UBTF: variants seen among roughly 807,000 people sequenced by gnomAD.
UBTF encodes upstream binding transcription factor, also known as nucleolar transcription factor 1.
Under a neutral mutation model 112.3 loss-of-function variants are expected in UBTF, and 8 were observed. The ratio of observed to expected loss-of-function variants is 0.07; its 90% CI spans 0.04 to 0.13. UBTF has a LOEUF of 0.13. Ranked by LOEUF, UBTF falls within the 10% of genes least tolerant of loss-of-function variation. The pLI, the probability that UBTF is intolerant of heterozygous loss-of-function variation, is 1.00. For synonymous variants in UBTF, 417 were observed against 373.1 expected (o/e 1.12, Z -1.36); for missense variants, 457 against 982.1 (o/e 0.47, Z 7.15).
At position 44,207,447 on chromosome 17, in the gene UBTF, G is replaced by C; in HGVS notation, c.2169+7C>G. Reference sequence around the variant, plus strand: ...CCTCCCCTCCCACTGTGCCCTGTCTGCCCCACCTCATCCCCATCCTCGCTC... The same window carrying C: ...CCTCCCCTCCCACTGTGCCCTGTCTCCCCCACCTCATCCCCATCCTCGCTC... On this transcript the variant is annotated splice_region_variant and intron_variant, in intron 20 of 20. Coordinates refer to ENST00000436088, the MANE Select transcript of UBTF (RefSeq NM_014233.4). 6.2e-7 allele frequency: 1 copy of C among 1,613,258 alleles called. No individual in the cohort carries two copies. The highest frequency in any genetic ancestry group is 8.5e-7 in the Non-Finnish European group (1 of 1,179,572).
intron 2 of UBTF, among the ~76,000 whole-genome samples, chr17:44,216,957 C>T (rs1409226127): frequency 1.3e-5 from 2 of 152,166 alleles, no homozygotes; most frequent in African/African-American, 2.4e-5. Context: ...TGCTTCAAGG[C>T]TATTATCATT....
In UBTF at chr17:44,210,326, G is replaced by A. The variant is rs1220680854; in HGVS notation, c.1507C>T (p.Arg503Cys). ...QQSVIGDYLA[R>C]FKNDRVKALK... is the part of the protein sequence containing the mutation. Reference sequence around the variant, plus strand: ...TTTCCCACCCCTGTCACCTTGAAGCGGGCCAGGTAGTCGCCGATAACGCTC... The same window carrying A: ...TTTCCCACCCCTGTCACCTTGAAGCAGGCCAGGTAGTCGCCGATAACGCTC... The change falls in exon 14 of 21, where the codon CGC becomes TGC. Residue 503 changes from arginine (R) to cysteine (C), a missense_variant. Arg to Cys is a radical substitution (Grantham distance 180). Transcript: ENST00000436088. 6.2e-7 allele frequency: 1 copy of A among 1,614,122 alleles called. No individual in the cohort carries two copies. The highest frequency in any genetic ancestry group is 1.3e-5 in the African/African-American group (1 of 74,952).
rs767818091 is a variant in UBTF, at chr17:44,211,079, G to A, written c.1163C>T (p.Thr388Ile). Residue 388 changes from threonine to isoleucine, a missense_variant, in exon 12 of 21, where the codon ACC (threonine) becomes ATC (isoleucine). Coordinates refer to ENST00000436088, the MANE Select transcript of UBTF (RefSeq NM_014233.4). The surrounding 1 kb of genome is among the most constrained non-coding windows in gnomAD (Gnocchi z 4.9). ...GGCTGGCTTCTTGGAGGCGGGGCTG[G>A]TGGCCTGCTTCTTGTTGATGTTCAG... ...KMLNINKKQA[T>I]SPASKKPAQE... 3 of 1,612,906 alleles carry A rather than the reference G, an allele frequency of 1.9e-6. No homozygotes were observed. The highest frequency in any genetic ancestry group is 2.5e-6 in the Non-Finnish European group (3 of 1,179,970).
intron 2 of UBTF, among the ~76,000 whole-genome samples, chr17:44,217,665 C>T (rs1455853763): frequency 4.6e-5 from 7 of 152,224 alleles, no homozygotes; most frequent in Admixed American, 2.6e-4. Context: ...CAGCTTCATC[C>T]TACTCTCTAT....
chr17:44,209,777 A>T, intron 15 of UBTF, 44 bp from the exon 16 acceptor site: 1 of 1,590,744 alleles, frequency 6.3e-7, no homozygotes. Context: ...CCCACCCCCA[A>T]AATACTGCTG....
In UBTF at chr17:44,211,797, C is replaced by G; in HGVS notation, c.906-50G>C. The G allele has an allele frequency of 3.1e-6, 5 of 1,599,402 alleles. No individual in the cohort carries two copies. The highest frequency in any genetic ancestry group is 4.3e-6 in the Non-Finnish European group (5 of 1,174,376). ...TGCAGCCCGTAAGCGAGCAGGGCAG[C>G]AGGCCTTCTCACCTGCAGAGCCCAG... On this transcript the variant is annotated intron_variant, in intron 9 of 20. Transcript: ENST00000436088. The surrounding 1 kb of genome is among the most constrained non-coding windows in gnomAD (Gnocchi z 4.9).
intron 1 of UBTF, among the ~76,000 whole-genome samples, chr17:44,218,705 A>G (rs1306093148): frequency 6.7e-6 from 1 of 149,528 alleles, no homozygotes; most frequent in Non-Finnish European, 1.5e-5. Flanking sequence ...GCGCGCGGCC[A>G]CGGAAGCGGG....
At chr17:44,210,695 C>T in intron 13 of UBTF, 97 bp downstream of exon 13, 1 of 1,498,424 alleles carries the variant, frequency 6.7e-7, no homozygotes, top group Non-Finnish European at 8.9e-7. Flanking sequence ...CACCGCGTGG[C>T]TCAGGCGGCC....
intron 3 of UBTF, 51 bp from the exon 4 acceptor site, chr17:44,216,040 A>T (rs761362303): frequency 2.1e-6 from 3 of 1,409,918 alleles, no homozygotes. Context: ...GGAAAATGCC[A>T]CACAGTAGTA....
chr17:44,219,293 T>C (rs2047039080), intron 1 of UBTF, among the ~76,000 whole-genome samples, 152 bp downstream of exon 1: 1 of 149,894 alleles, frequency 6.7e-6, no homozygotes, highest in Admixed American at 6.6e-5. Context: ...CTCCCCCGGC[T>C]CTCGGCGTCC....
At chr17:44,213,168 TCTG>T (rs1307817738) in intron 6 of UBTF, 47 bp downstream of exon 6, 1 of 1,597,732 alleles carries the variant, frequency 6.3e-7, no homozygotes, top group Admixed American at 1.7e-5. Context: ...GTTAGCCTAT[TCTG>T]CTGCCCCCAG....
intron 1 of UBTF, among the ~76,000 whole-genome samples, 155 bp downstream of exon 1, chr17:44,219,290 G>A (rs2047038966): frequency 1.3e-5 from 2 of 150,458 alleles, no homozygotes; most frequent in South Asian, 4.3e-4. Flanking sequence ...CCCCTCCCCC[G>A]GCTCTCGGCG....
At chr17:44,218,882 C>A (rs1754999662) in intron 1 of UBTF, 1 of 151,516 alleles carries the variant, frequency 6.6e-6, no homozygotes, top group African/African-American at 2.4e-5. Flanking sequence ...CTCCCGGGCT[C>A]CCTTCGCCGT....
chr17:44,218,768 C>A (rs2046995839), intron 1 of UBTF, among the ~76,000 whole-genome samples: 1 of 151,150 alleles, frequency 6.6e-6, no homozygotes, highest in Non-Finnish European at 1.5e-5. Context: ...CCCCCCGCCT[C>A]CGCAACCCGG....
chr17:44,212,497 C>T (rs774951066), intron 7 of UBTF, 43 bp from the exon 8 acceptor site: 1 of 204,034 alleles, frequency 4.9e-6, no homozygotes, highest in Admixed American at 6.3e-5. Context: ...CAGCCAGGGG[C>T]AGGGGGAGGG....
intron 3 of UBTF, 127 bp from the exon 4 acceptor site, chr17:44,216,116 G>A (rs2046832577): frequency 2.6e-6 from 2 of 775,776 alleles, no homozygotes; most frequent in Non-Finnish European, 4.2e-6. Context: ...GAAGAGCAGA[G>A]GCCAACAGCC....
intron 7 of UBTF, 66 bp downstream of exon 7, chr17:44,212,753 C>T: frequency 1.3e-6 from 2 of 1,595,862 alleles, no homozygotes; most frequent in Non-Finnish European, 1.7e-6. Context: ...CCCGGCCGAC[C>T]TGGCGCGGCT....
chr17:44,207,146 G>C lies in UBTF; in HGVS notation c.*96C>G, dbSNP rs2056293236. 1 of 1,385,490 alleles carries C rather than the reference G, an allele frequency of 7.2e-7. No homozygotes were observed. Among genetic ancestry groups the C allele is most frequent in the East Asian group, 2.3e-5 (1 of 42,614 alleles). The allele number at this position is 1,385,490 out of a possible 1,614,324, so 85.8% of individuals were successfully genotyped here. A position where few individuals can be genotyped will look rare whatever the true frequency, so the allele number is the denominator to read the frequency against. ...AAGAAAGAAAGTGGGGGAGGCCAGG[G>C]GGGCAAGGGACAGAACATGGGGGAG... On this transcript the variant is annotated 3_prime_UTR_variant, in exon 21 of 21. Transcript: ENST00000436088.
chr17:44,218,418 T>G (rs567590791), intron 1 of UBTF, 122 bp from the exon 2 acceptor site: 2 of 610,268 alleles, frequency 3.3e-6, no homozygotes, highest in Non-Finnish European at 5.8e-6. Context: ...ATGACCTTAT[T>G]AGACTTAAGG....
Sources: allele counts gnomAD v4.1 joint callset (sites outside exome capture counted in the v4.1 genomes callset), GRCh38; gene constraint gnomAD v4.1.1; non-coding constraint Gnocchi (gnomAD v3.1); transcripts MANE v1.5; gene names NCBI Gene and HGNC (gene_info 2026-07-23, HGNC 2026-07-21).